UST: variants seen among roughly 807,000 people sequenced by gnomAD.
UST encodes the protein chondroitin sulfate 2-O-sulfotransferase.
In UST, 21 loss-of-function variants were observed where a neutral mutation model predicts 45.6. That is an observed-to-expected ratio of 0.46 (90% CI 0.33 to 0.66). The LOEUF (loss-of-function observed/expected upper bound fraction) is 0.66. Ranked by LOEUF, UST falls within the 30% of genes least tolerant of loss-of-function variation. The pLI, the probability that UST is intolerant of heterozygous loss-of-function variation, is 0.02. For synonymous variants in UST, 215 were observed against 200.6 expected (o/e 1.07, Z -0.61); for missense variants, 463 against 512.4 (o/e 0.90, Z 0.93).
chr6:148,942,372 A>T (rs955029216), intron 3 of UST, among the ~76,000 whole-genome samples: 15 of 152,062 alleles, frequency 9.9e-5, no homozygotes, highest in African/African-American at 3.6e-4. Context: ...CCTGGCCAAC[A>T]TGGTGAAACT....
At chr6:148,825,765 G>A (rs1404771380) in intron 1 of UST, among the ~76,000 whole-genome samples, 4 of 152,196 alleles carry the variant, frequency 2.6e-5, no homozygotes, top group Non-Finnish European at 5.9e-5. Flanking sequence ...AGAAGAGAGT[G>A]ACCAGCTTCT....
At chr6:149,067,978 G>C (rs1776766158) in intron 7 of UST, among the ~76,000 whole-genome samples, 1 of 152,176 alleles carries the variant, frequency 6.6e-6, no homozygotes, top group East Asian at 1.9e-4. Flanking sequence ...AGTGGTTGTT[G>C]GGGTGGTTTT....
chr6:148,941,348 C>T lies in UST; in HGVS notation c.361C>T (p.Leu121Phe). ...GKCGSRTVVL[L>F]LRILSEKHGF... ...GTGTGGGAGCCGTACTGTGGTCTTGCTTCTGAGAATCTTGTCGGAGAAGCA... is the reference window on the plus strand; with the variant it reads ...GTGTGGGAGCCGTACTGTGGTCTTGTTTCTGAGAATCTTGTCGGAGAAGCA... The change falls in exon 3 of 8, where the codon CTT becomes TTT. Residue 121 changes from leucine to phenylalanine, a missense_variant. Leu to Phe is a conservative substitution (Grantham distance 22). Transcript: ENST00000367463. 1 of 1,612,906 alleles carries T rather than the reference C, an allele frequency of 6.2e-7. No individual in the cohort carries two copies. The highest frequency in any genetic ancestry group is 1.1e-5 in the South Asian group (1 of 90,698).
intron 1 of UST, among the ~76,000 whole-genome samples, chr6:148,847,791 C>T (rs976306377): frequency 6.6e-6 from 1 of 152,172 alleles, no homozygotes; most frequent in Non-Finnish European, 1.5e-5. Flanking sequence ...ACACAGAGAG[C>T]CTGTTCTGGG....
chr6:148,898,000 G>T (rs1251854300), intron 2 of UST, among the ~76,000 whole-genome samples: 1 of 151,294 alleles, frequency 6.6e-6, no homozygotes, highest in Admixed American at 6.6e-5. Flanking sequence ...TTTACCAAAA[G>T]TCCTTTAAAA....
At chr6:149,000,867 A>G (rs1227499317) in intron 5 of UST, among the ~76,000 whole-genome samples, 1 of 152,214 alleles carries the variant, frequency 6.6e-6, no homozygotes, top group East Asian at 1.9e-4. Context: ...ATATTAATTG[A>G]TTTAGAAAAT....
In UST at chr6:148,882,374, T is replaced by C. The variant is rs192752324; in HGVS notation, c.248-4612T>C. Among the ~76,000 whole-genome samples the C allele has an allele frequency of 6.7e-3, 1,008 of 150,782 alleles. 12 individuals are homozygous for C. Among genetic ancestry groups the C allele is most frequent in the African/African-American group, 0.023 (946 of 40,998 alleles). Reference sequence around the variant, plus strand: ...GTTGGCGGGTGCCTGTAATCCCAGCTACTCGGGAGGCTGAGGCAGGAGAAT... The same window carrying C: ...GTTGGCGGGTGCCTGTAATCCCAGCCACTCGGGAGGCTGAGGCAGGAGAAT... On this transcript the variant is annotated intron_variant, in intron 1 of 7. Coordinates refer to ENST00000367463, the MANE Select transcript of UST (RefSeq NM_005715.3).
chr6:148,810,310 A>G (rs559061392), intron 1 of UST, among the ~76,000 whole-genome samples: 1 of 152,362 alleles, frequency 6.6e-6, no homozygotes, highest in East Asian at 1.9e-4. Flanking sequence ...AATAAAGGCC[A>G]TAAATATGGT....
At chr6:148,784,129 A>C (rs2114693125) in intron 1 of UST, among the ~76,000 whole-genome samples, 1 of 152,338 alleles carries the variant, frequency 6.6e-6, no homozygotes, top group African/African-American at 2.4e-5. Context: ...AATTTATGAA[A>C]GAAACTGTAA....
intron 5 of UST, among the ~76,000 whole-genome samples, chr6:148,984,472 T>C (rs758537182): frequency 3.3e-5 from 5 of 152,252 alleles, no homozygotes; most frequent in Non-Finnish European, 5.9e-5. Context: ...AGCTTTATGC[T>C]AAAGACAATA....
intron 1 of UST, among the ~76,000 whole-genome samples, chr6:148,753,724 CTAAGTT>C (rs1346453656): frequency 2.0e-5 from 3 of 152,114 alleles, no homozygotes; most frequent in Non-Finnish European, 4.4e-5. Context: ...TATGGTAACT[CTAAGTT>C]TAAGTTATTG....
intron 2 of UST, among the ~76,000 whole-genome samples, chr6:148,902,180 G>A (rs1779272842): frequency 6.6e-6 from 1 of 152,044 alleles, no homozygotes; most frequent in Non-Finnish European, 1.5e-5. Context: ...GATACTTGGT[G>A]GACTTTGCAA....
chr6:148,871,003 G>A (rs931020655), intron 1 of UST, among the ~76,000 whole-genome samples: 17 of 152,092 alleles, frequency 1.1e-4, no homozygotes, highest in African/African-American at 3.9e-4. Flanking sequence ...CTAACCCCCA[G>A]TGTGATGATA....
In UST at chr6:148,747,625, T is replaced by A; in HGVS notation, c.195T>A (p.Tyr65Ter). ...LLVFCLGSLL[Y>*]QLSGGPPRFL... ...TCTTCTGCCTGGGCTCCCTCCTCTA[T>A]CAGCTCAGCGGGGGACCCCCTCGCT... is the stretch of plus-strand genomic sequence containing the variant. Residue 65 changes from tyrosine to a stop codon, truncating the protein, a stop_gained, in exon 1 of 8, where the codon TAT (tyrosine) becomes TAA (stop). Transcript: ENST00000367463. LOFTEE classifies it high-confidence loss of function. 1 of 1,603,180 alleles carries A rather than the reference T, an allele frequency of 6.2e-7. No individual in the cohort carries two copies. The highest frequency in any genetic ancestry group is 8.5e-7 in the Non-Finnish European group (1 of 1,176,120).
rs1780428625 is a variant in UST, at chr6:148,954,096, T to G, written c.527+145T>G. On this transcript the variant is annotated intron_variant, in intron 4 of 7. Coordinates refer to ENST00000367463, the MANE Select transcript of UST (RefSeq NM_005715.3). The stretch of plus-strand genomic sequence containing the variant: ...TATTTTTGCTACGGAGGGATCAAAA[T>G]TTGAAATATTTGAACAGAAACTTCA... 1.0e-5 allele frequency: 5 copies of G among 484,226 alleles called. No individual in the cohort carries two copies. In the East Asian group the frequency reaches 1.8e-4, roughly 18 times the overall value. The allele number at this position is 484,226 out of a possible 1,614,324, so 30.0% of individuals were successfully genotyped here.
At chr6:149,023,804 T>G (rs1752769295) in intron 7 of UST, among the ~76,000 whole-genome samples, 1 of 152,192 alleles carries the variant, frequency 6.6e-6, no homozygotes, top group South Asian at 2.1e-4. Context: ...ACTTAGTGGC[T>G]CTTGTCGTGG....
chr6:148,842,740 A>C (rs969332244), intron 1 of UST, among the ~76,000 whole-genome samples: 3 of 152,204 alleles, frequency 2.0e-5, no homozygotes, highest in Non-Finnish European at 4.4e-5. Context: ...ATATGCTTGC[A>C]CTTAGCCTTA....
intron 5 of UST, among the ~76,000 whole-genome samples, chr6:148,987,321 C>T (rs1394714170): frequency 6.6e-6 from 1 of 152,192 alleles, no homozygotes; most frequent in African/African-American, 2.4e-5. Context: ...ACTCTTCTCT[C>T]ACTGCGTCTT....
chr6:148,796,797 CTTTTTTTTTTTTTTT>C (rs1195878764), intron 1 of UST, among the ~76,000 whole-genome samples: 1 of 72,054 alleles, frequency 1.4e-5, no homozygotes, highest in Non-Finnish European at 2.4e-5. Flanking sequence ...TCTGATAATT[CTTTTTTTTTTTTTTT>C]TTTTTTTTGA....
Sources: allele counts gnomAD v4.1 joint callset (sites outside exome capture counted in the v4.1 genomes callset), GRCh38; gene constraint gnomAD v4.1.1; transcripts MANE v1.5; gene names NCBI Gene and HGNC (gene_info 2026-07-23, HGNC 2026-07-21).